The following VPS13B variants were observed in gnomAD, a reference collection of about 807,000 sequenced individuals.
VPS13B encodes the protein vacuolar protein sorting 13 homolog B.
Under a neutral mutation model 426.4 loss-of-function variants are expected in VPS13B, and 285 were observed. That is an observed-to-expected ratio of 0.67 (90% confidence interval 0.61 to 0.74). The LOEUF (loss-of-function observed/expected upper bound fraction) is 0.74, where lower values mean the gene tolerates loss of function less well. Among genes scored for constraint, VPS13B ranks in the 30% least tolerant of loss-of-function variants. The pLI, the probability that VPS13B is intolerant of heterozygous loss-of-function variation, is 0.00. For missense variants in VPS13B, 4,537 were observed against 4,782.6 expected, an observed-to-expected ratio of 0.95 and a Z score of 1.51; for synonymous variants, 1,676 against 1,676.4, an observed-to-expected ratio of 1.00 and a Z score of 0.01.
chr8:99,639,062 C>G (rs1829192470), intron 33 of VPS13B, among the ~76,000 whole-genome samples: 1 of 152,164 alleles, frequency 6.6e-6, no homozygotes, highest in Non-Finnish European at 1.5e-5. Flanking sequence ...CTGTGCTGTT[C>G]ATTCAGTCAT....
intron 33 of VPS13B, among the ~76,000 whole-genome samples, chr8:99,625,701 C>A (rs971593194): frequency 6.6e-6 from 1 of 151,240 alleles, no homozygotes; most frequent in African/African-American, 2.4e-5. Context: ...AAAAAATTAG[C>A]GAAGTATAGT....
intron 2 of VPS13B, among the ~76,000 whole-genome samples, chr8:99,022,109 CTT>C (rs1841927508): frequency 6.6e-6 from 1 of 151,356 alleles, no homozygotes; most frequent in African/African-American, 2.4e-5. Flanking sequence ...CTTGTGCTTT[CTT>C]TGTCATTTAT....
At chr8:99,490,434 T>C (rs1820544486) in intron 25 of VPS13B, among the ~76,000 whole-genome samples, 1 of 152,220 alleles carries the variant, frequency 6.6e-6, no homozygotes, top group African/African-American at 2.4e-5. Flanking sequence ...TTAGGGAGGA[T>C]TCCCTCTTCT....
chr8:99,250,760 T>C lies in VPS13B; in HGVS notation c.2516-23438T>C, dbSNP rs144094957. On this transcript the variant is annotated intron_variant, in intron 17 of 61. Transcript: ENST00000357162. ...AGTGCAGTGGCACAATCATAGCTCA[T>C]TGTAAGCTCAAACTCCTGGGCTCAA... is the stretch of plus-strand genomic sequence containing the variant. Among the ~76,000 whole-genome samples, 11 of 131,702 alleles carry C rather than the reference T, an allele frequency of 8.4e-5. No individual in the cohort carries two copies. The East Asian group carries it at 2.7e-3, about 32-fold the overall frequency. The allele number at this position is 131,702 out of a possible 152,430, so 86.4% of individuals were successfully genotyped here. A position where few individuals can be genotyped will look rare whatever the true frequency, so the allele number is the denominator to read the frequency against.
At chr8:99,102,787 G>A (rs1424578142) in intron 4 of VPS13B, among the ~76,000 whole-genome samples, 166 bp from the exon 5 acceptor site, 2 of 152,082 alleles carry the variant, frequency 1.3e-5, no homozygotes, top group Non-Finnish European at 2.9e-5. Context: ...CTTATTACCT[G>A]TGTCACTTTG....
In VPS13B at chr8:99,661,402, T is replaced by C. The variant is rs1441469976; in HGVS notation, c.5957T>C (p.Leu1986Pro). ...PEALDYCTVW[L>P]QTVPGEIDSK... is the part of the protein sequence containing the mutation. ...GCCCTTGATTATTGCACTGTTTGGC[T>C]ACAGACAGTGCCTGGAGAAATAGAC... The change falls in exon 35 of 62, where the codon CTA (leucine) becomes CCA (proline). Residue 1986 changes from leucine (L) to proline (P), a missense_variant. Leu to Pro is a moderately conservative substitution (Grantham distance 98). Around this residue, in one of 2 missense-constraint regions of VPS13B, gnomAD observed 4,311 missense variants for 4,474.3 expected, o/e 0.96. Transcript: ENST00000357162. 2 of 1,613,784 alleles carry C rather than the reference T, an allele frequency of 1.2e-6. No individual in the cohort carries two copies. The highest frequency in any genetic ancestry group is 1.7e-6 in the Non-Finnish European group (2 of 1,179,810).
At chr8:99,531,506 G>A (rs1222642565) in intron 30 of VPS13B, among the ~76,000 whole-genome samples, 1 of 151,832 alleles carries the variant, frequency 6.6e-6, no homozygotes, top group Non-Finnish European at 1.5e-5. Flanking sequence ...TAATCTAGTT[G>A]TCTCAAAATT....
At chr8:99,813,838 T>C (rs530114511) in intron 44 of VPS13B, among the ~76,000 whole-genome samples, 1 of 152,344 alleles carries the variant, frequency 6.6e-6, no homozygotes, top group South Asian at 2.1e-4. Context: ...TTTCTTTTGA[T>C]TAAATAATAG....
In VPS13B at chr8:99,821,391, A is replaced by G; in HGVS notation, c.9092A>G (p.Lys3031Arg). The part of the protein sequence containing the change: ...LVHNLTSPKW[K>R]DGGNGEVVTL... ...CATAACCTGACATCTCCAAAGTGGA[A>G]AGATGGAGGTAATGGTGAAGTTGTG... Residue 3031 changes from lysine (K) to arginine (R), a missense_variant, in exon 50 of 62, where the codon AAA (lysine) becomes AGA (arginine). Coordinates refer to ENST00000357162, the MANE Select transcript of VPS13B (RefSeq NM_152564.5). 6.2e-7 allele frequency: 1 copy of G among 1,613,908 alleles called. No individual in the cohort carries two copies. Among genetic ancestry groups the G allele is most frequent in the Non-Finnish European group, 8.5e-7 (1 of 1,179,854 alleles).
At chr8:99,586,275 T>C (rs1437254588) in intron 33 of VPS13B, among the ~76,000 whole-genome samples, 1 of 152,188 alleles carries the variant, frequency 6.6e-6, no homozygotes, top group Non-Finnish European at 1.5e-5. Flanking sequence ...ATCCACATGA[T>C]TTTTCTGATG....
At chr8:99,540,016 TATATATATA>T (rs1823480856) in intron 30 of VPS13B, among the ~76,000 whole-genome samples, 7 of 1,112 alleles carry the variant, frequency 6.3e-3, no homozygotes, top group South Asian at 0.1. Flanking sequence ...AAATAAATTA[TATATATATA>T]TATATATATA....
chr8:99,185,367 AC>A (rs1194070034), intron 16 of VPS13B, among the ~76,000 whole-genome samples: 5 of 152,140 alleles, frequency 3.3e-5, no homozygotes, highest in African/African-American at 1.2e-4. Flanking sequence ...AACTTTAAAA[AC>A]TTTTTTTCTT....
intron 31 of VPS13B, among the ~76,000 whole-genome samples, chr8:99,561,370 T>C (rs1824911939): frequency 6.6e-6 from 1 of 152,220 alleles, no homozygotes; most frequent in Admixed American, 6.5e-5. Flanking sequence ...TTCATCCAAA[T>C]TGTAGCATAT....
chr8:99,251,213 G>A (rs1464861801), intron 17 of VPS13B, among the ~76,000 whole-genome samples: 1 of 152,162 alleles, frequency 6.6e-6, no homozygotes, highest in Admixed American at 6.5e-5. Context: ...TTGAATAACA[G>A]CAGTGACAGC....
intron 8 of VPS13B, among the ~76,000 whole-genome samples, chr8:99,127,761 A>G (rs1809509044): frequency 1.3e-5 from 2 of 152,144 alleles, no homozygotes; most frequent in African/African-American, 4.8e-5. Context: ...AAGAATATGT[A>G]TATATTAATT....
At chr8:99,292,563 G>T (rs934295638) in intron 19 of VPS13B, among the ~76,000 whole-genome samples, 8 of 152,060 alleles carry the variant, frequency 5.3e-5, no homozygotes, top group African/African-American at 1.9e-4. Context: ...TCTGCAGTTT[G>T]TAGCTGAAAA....
intron 2 of VPS13B, among the ~76,000 whole-genome samples, chr8:99,028,885 C>A (rs1842325787): frequency 3.6e-5 from 1 of 27,838 alleles, no homozygotes; most frequent in Non-Finnish European, 7.0e-5. Flanking sequence ...CTGACCCCCC[C>A]CACCTCCCTC....
intron 24 of VPS13B, among the ~76,000 whole-genome samples, chr8:99,470,930 TCC>T: frequency 6.6e-6 from 1 of 152,118 alleles, no homozygotes; most frequent in East Asian, 1.9e-4. Context: ...AAAGACACAT[TCC>T]ATATAAGCAA....
chr8:99,412,215 T>G (rs897552153), intron 21 of VPS13B, among the ~76,000 whole-genome samples: 10 of 152,244 alleles, frequency 6.6e-5, no homozygotes, highest in African/African-American at 2.4e-4. Flanking sequence ...TGGAATGTTT[T>G]TCCATTTGTA....
Sources: allele counts gnomAD v4.1 joint callset (sites outside exome capture counted in the v4.1 genomes callset), GRCh38; gene constraint gnomAD v4.1.1; regional missense constraint gnomAD v4.1.1; transcripts MANE v1.5; gene names NCBI Gene and HGNC (gene_info 2026-07-23, HGNC 2026-07-21).